Variants in PDE4D observed in about 807,000 individuals in gnomAD.
PDE4D encodes the protein 3',5'-cyclic-AMP phosphodiesterase 4D.
Under a neutral mutation model 87.4 loss-of-function variants are expected in PDE4D, and 24 were observed. That is an observed-to-expected ratio of 0.27 (90% CI 0.20 to 0.39). The LOEUF (loss-of-function observed/expected upper bound fraction) is 0.39, where lower values mean the gene tolerates loss of function less well. Among genes scored for constraint, PDE4D ranks in the 10% least tolerant of loss-of-function variants. The pLI, the probability that PDE4D is intolerant of heterozygous loss-of-function variation, is 1.00. For missense variants in PDE4D, 714 were observed against 1,041.0 expected, an observed-to-expected ratio of 0.69 and a Z score of 4.32; for synonymous variants, 384 against 383.2, an observed-to-expected ratio of 1.00 and a Z score of -0.02.
chr5:59,931,367 C>G (rs62371468), intron 3 of PDE4D, among the ~76,000 whole-genome samples: 3 of 152,164 alleles, frequency 2.0e-5, no homozygotes, highest in African/African-American at 7.2e-5. Flanking sequence ...TACATGCTGC[C>G]TAGTCCATTT....
chr5:59,506,800 A>T (rs1285285673), intron 1 of PDE4D, among the ~76,000 whole-genome samples: 1 of 152,224 alleles, frequency 6.6e-6, no homozygotes, highest in Non-Finnish European at 1.5e-5. Context: ...CGAAGTGTTG[A>T]CAAGAATGTG....
intron 1 of PDE4D, among the ~76,000 whole-genome samples, chr5:59,410,082 A>G (rs1284615658): frequency 6.6e-6 from 1 of 152,100 alleles, no homozygotes; most frequent in Non-Finnish European, 1.5e-5. Flanking sequence ...AAACATTCCA[A>G]TTATATTCTT....
chr5:59,317,275 C>T (rs1440720657), intron 1 of PDE4D, among the ~76,000 whole-genome samples: 10 of 152,172 alleles, frequency 6.6e-5, no homozygotes, highest in Non-Finnish European at 1.5e-5. Flanking sequence ...CCTTCAGAAG[C>T]AGCTGCATTC....
chr5:60,241,430 C>T (rs760570871), intron 1 of PDE4D, among the ~76,000 whole-genome samples: 3 of 151,948 alleles, frequency 2.0e-5, no homozygotes, highest in Non-Finnish European at 2.9e-5. Context: ...CACGCCACCA[C>T]ACTTGGCTAA....
chr5:59,825,527 C>T (rs577544072), intron 1 of PDE4D, among the ~76,000 whole-genome samples: 60 of 152,090 alleles, frequency 3.9e-4, no homozygotes, highest in South Asian at 8.3e-4. Flanking sequence ...GTAAAGTGAC[C>T]CCCAGGTGTT....
intron 11 of PDE4D, among the ~76,000 whole-genome samples, chr5:58,978,578 A>T (rs1744370508): frequency 6.6e-6 from 1 of 152,172 alleles, no homozygotes; most frequent in South Asian, 2.1e-4. Flanking sequence ...GGCTATTTTA[A>T]TGGAGCTAGG....
chr5:60,154,835 A>G (rs376789294), intron 2 of PDE4D, among the ~76,000 whole-genome samples: 1 of 152,252 alleles, frequency 6.6e-6, no homozygotes, highest in African/African-American at 2.4e-5. Flanking sequence ...ATCATATAGT[A>G]TGCATTCTTT....
chr5:60,428,816 C>T (rs372260153), intron 1 of PDE4D, among the ~76,000 whole-genome samples: 20 of 152,246 alleles, frequency 1.3e-4, no homozygotes, highest in African/African-American at 4.8e-4. Flanking sequence ...CTAATACAAG[C>T]TTAGTAAGAA....
At chr5:60,479,795 A>C (rs2150213029) in intron 1 of PDE4D, among the ~76,000 whole-genome samples, 1 of 152,248 alleles carries the variant, frequency 6.6e-6, no homozygotes, top group East Asian at 1.9e-4. Context: ...TAGTTTGCCA[A>C]CCCTTGCTCT....
At chr5:59,066,326 G>A (rs929945475) in intron 5 of PDE4D, among the ~76,000 whole-genome samples, 3 of 152,132 alleles carry the variant, frequency 2.0e-5, no homozygotes, top group African/African-American at 7.2e-5. Context: ...AATTTTTGAT[G>A]TGTCACAAAA....
chr5:59,304,564 T>C (rs1186094004), intron 1 of PDE4D, among the ~76,000 whole-genome samples: 1 of 152,134 alleles, frequency 6.6e-6, no homozygotes, highest in Non-Finnish European at 1.5e-5. Context: ...CATTAATGTA[T>C]GTCCCTTGTA....
At chr5:60,253,293 A>G (rs181678031) in intron 1 of PDE4D, among the ~76,000 whole-genome samples, 1 of 152,022 alleles carries the variant, frequency 6.6e-6, no homozygotes, top group Non-Finnish European at 1.5e-5. Flanking sequence ...CTCTCTTGAC[A>G]TAGGGTTCCA....
At chr5:60,062,608 G>A (rs540431295) in intron 2 of PDE4D, among the ~76,000 whole-genome samples, 11 of 152,056 alleles carry the variant, frequency 7.2e-5, no homozygotes, top group African/African-American at 1.7e-4. Flanking sequence ...ATAAAGACAC[G>A]TGCATATGTA....
chr5:59,439,009 C>T (rs1797190668), intron 1 of PDE4D, among the ~76,000 whole-genome samples: 4 of 152,044 alleles, frequency 2.6e-5, no homozygotes, highest in Admixed American at 2.0e-4. Flanking sequence ...TCTCTAGATC[C>T]CTGAGTTTAT....
At chr5:60,022,405 A>G (rs1375182227) in intron 2 of PDE4D, 2 of 152,174 alleles carry the variant, frequency 1.3e-5, no homozygotes, top group African/African-American at 4.8e-5. Context: ...AGTTATGGAG[A>G]GTGCCTAGAC....
intron 5 of PDE4D, among the ~76,000 whole-genome samples, chr5:59,129,904 G>T (rs1381996462): frequency 6.6e-6 from 1 of 152,176 alleles, no homozygotes. Context: ...GAAAGGGTTA[G>T]AGATGATGTT....
At chr5:59,761,114 G>A (rs1761912658) in intron 1 of PDE4D, among the ~76,000 whole-genome samples, 1 of 152,110 alleles carries the variant, frequency 6.6e-6, no homozygotes, top group African/African-American at 2.4e-5. Flanking sequence ...GACTATTGTG[G>A]GCAATCATAA....
intron 1 of PDE4D, among the ~76,000 whole-genome samples, chr5:59,601,247 A>G (rs1051206547): frequency 6.6e-5 from 10 of 152,296 alleles, no homozygotes; most frequent in Non-Finnish European, 1.0e-4. Flanking sequence ...CTAAGCTATC[A>G]TAATTGTCCT....
chr5:59,495,770 C>A (rs1387598251), intron 1 of PDE4D, among the ~76,000 whole-genome samples: 1 of 152,154 alleles, frequency 6.6e-6, no homozygotes, highest in Non-Finnish European at 1.5e-5. Context: ...AGGTGTGCAA[C>A]TGGAGAAGTG....
Sources: gnomAD v4.1 joint callset for allele counts (sites outside exome capture counted in the v4.1 genomes callset) on GRCh38, gnomAD v4.1.1 for gene constraint, MANE v1.5 for transcripts, NCBI Gene and HGNC (gene_info 2026-07-23, HGNC 2026-07-21) for gene names.